The following CSMD1 variants were observed in gnomAD, a reference collection of about 807,000 sequenced individuals.
CSMD1 encodes the protein CUB and sushi domain-containing protein 1.
A neutral mutation model predicts 417.5 loss-of-function variants in CSMD1; 213 were observed. The observed-to-expected ratio is 0.51, with a 90% CI of 0.46 to 0.57. The LOEUF (loss-of-function observed/expected upper bound fraction) is 0.57. Among genes scored for constraint, CSMD1 ranks in the 20% least tolerant of loss-of-function variants. The probability of loss-of-function intolerance (pLI) is 0.00; values close to 1 mark genes in which losing one functional copy is unlikely to be tolerated. For synonymous variants in CSMD1, 2,862 were observed against 1,736.8 expected (o/e 1.65, Z -16.11); for missense variants, 6,923 against 4,529.7 (o/e 1.53, Z -15.17).
intron 1 of CSMD1, among the ~76,000 whole-genome samples, chr8:4,780,951 G>T (rs1323871151): frequency 6.6e-6 from 1 of 152,132 alleles, no homozygotes; most frequent in African/African-American, 2.4e-5. Flanking sequence ...TAAGGCTCAA[G>T]CAATGACCTG....
intron 21 of CSMD1, among the ~76,000 whole-genome samples, chr8:3,351,351 C>G (rs1448626461): frequency 6.6e-6 from 1 of 151,980 alleles, no homozygotes; most frequent in East Asian, 1.9e-4. Context: ...TGACCCATGC[C>G]TGTAATCCCA....
At chr8:3,513,102 G>T (rs897679790) in intron 10 of CSMD1, among the ~76,000 whole-genome samples, 1 of 151,360 alleles carries the variant, frequency 6.6e-6, no homozygotes, top group African/African-American at 2.4e-5. Flanking sequence ...CCTCCTTGGG[G>T]TGAATGCATT....
chr8:3,852,732 G>A (rs372947377), intron 5 of CSMD1, among the ~76,000 whole-genome samples: 3 of 152,022 alleles, frequency 2.0e-5, no homozygotes, highest in Admixed American at 6.5e-5. Context: ...TGGAGGGTCA[G>A]GTAAGCGTCT....
chr8:4,319,466 C>T (rs960935261), intron 3 of CSMD1, among the ~76,000 whole-genome samples: 9 of 152,062 alleles, frequency 5.9e-5, no homozygotes, highest in African/African-American at 1.9e-4. Context: ...GCTACTCCTT[C>T]TTAAGGCTTT....
intron 5 of CSMD1, among the ~76,000 whole-genome samples, chr8:3,890,655 C>G (rs1472848966): frequency 6.6e-6 from 1 of 151,988 alleles, no homozygotes; most frequent in Non-Finnish European, 1.5e-5. Context: ...TTCTAGTCCC[C>G]AAATTTAATA....
At chr8:3,384,161 T>A (rs551155472) in intron 18 of CSMD1, among the ~76,000 whole-genome samples, 14 of 152,292 alleles carry the variant, frequency 9.2e-5, no homozygotes, top group Non-Finnish European at 1.6e-4. Flanking sequence ...TGCATTGAGC[T>A]ACACACTTAT....
At chr8:4,421,705 G>A (rs910789801) in intron 2 of CSMD1, among the ~76,000 whole-genome samples, 1 of 151,874 alleles carries the variant, frequency 6.6e-6, no homozygotes, top group South Asian at 2.1e-4. Flanking sequence ...AAGGTAATTA[G>A]TCGCACTAAA....
chr8:4,310,878 G>T (rs1338564864), intron 3 of CSMD1, among the ~76,000 whole-genome samples: 1 of 152,124 alleles, frequency 6.6e-6, no homozygotes, highest in Non-Finnish European at 1.5e-5. Flanking sequence ...AAACTTACAT[G>T]TGGCCAACAA....
At chr8:4,969,572 A>T (rs531153337) in intron 1 of CSMD1, among the ~76,000 whole-genome samples, 3 of 151,874 alleles carry the variant, frequency 2.0e-5, no homozygotes, top group South Asian at 2.1e-4. Flanking sequence ...ACAACAGCTC[A>T]GTTCTATTTT....
chr8:3,766,499 C>A (rs1053740451), intron 5 of CSMD1, among the ~76,000 whole-genome samples: 2 of 152,076 alleles, frequency 1.3e-5, no homozygotes, highest in African/African-American at 4.8e-5. Flanking sequence ...CAGGGAGACA[C>A]CCTTTGCCTC....
At chr8:4,227,911 C>G (rs1389908785) in intron 3 of CSMD1, among the ~76,000 whole-genome samples, 1 of 151,160 alleles carries the variant, frequency 6.6e-6, no homozygotes, top group Non-Finnish European at 1.5e-5. Context: ...ACCCTCCACC[C>G]CACATTAAAT....
chr8:3,853,758 T>A (rs1003473877), intron 5 of CSMD1, among the ~76,000 whole-genome samples: 2 of 151,548 alleles, frequency 1.3e-5, no homozygotes, highest in African/African-American at 4.9e-5. Context: ...TTAGGAGATA[T>A]ACCTAATGCT....
At chr8:4,710,387 A>T (rs1385536934) in intron 1 of CSMD1, among the ~76,000 whole-genome samples, 1 of 148,330 alleles carries the variant, frequency 6.7e-6, no homozygotes, top group Non-Finnish European at 1.5e-5. Context: ...AGTAAATAAA[A>T]ATATATTATT....
chr8:4,036,664 C>T (rs973189974), intron 3 of CSMD1, among the ~76,000 whole-genome samples: 4 of 152,122 alleles, frequency 2.6e-5, no homozygotes, highest in Admixed American at 6.5e-5. Context: ...GAGAGCATGC[C>T]TGTTCTTTTC....
At chr8:4,668,536 G>A (rs893485373) in intron 1 of CSMD1, among the ~76,000 whole-genome samples, 5 of 150,664 alleles carry the variant, frequency 3.3e-5, no homozygotes, top group Non-Finnish European at 4.4e-5. Flanking sequence ...TGCAAGCTCC[G>A]CCTCCCTGGT....
intron 8 of CSMD1, among the ~76,000 whole-genome samples, chr8:3,603,398 G>A (rs938758341): frequency 6.6e-6 from 1 of 152,094 alleles, no homozygotes; most frequent in Admixed American, 6.5e-5. Context: ...AATACAGCAC[G>A]TCAGGAAAGG....
chr8:4,038,913 ACACTTAATTTGGCAAGTACATATGGT>A (rs1380783743), intron 3 of CSMD1, among the ~76,000 whole-genome samples: 5 of 152,160 alleles, frequency 3.3e-5, no homozygotes, highest in Admixed American at 1.3e-4. Context: ...TCCCTCCGTA[ACACTTAATTTGGCAAGTACATATGGT>A]CACAATTCAG....
At chr8:3,219,763 A>T (rs1798094559) in intron 28 of CSMD1, among the ~76,000 whole-genome samples, 1 of 152,176 alleles carries the variant, frequency 6.6e-6, no homozygotes, top group African/African-American at 2.4e-5. Flanking sequence ...TTGCTAAATG[A>T]GATGTAATTT....
intron 27 of CSMD1, among the ~76,000 whole-genome samples, chr8:3,225,955 A>G (rs1798476792): frequency 6.6e-6 from 1 of 152,196 alleles, no homozygotes. Context: ...ATTCTTTTCG[A>G]CCCACCAACC....
Sources: gnomAD v4.1 joint callset for allele counts (sites outside exome capture counted in the v4.1 genomes callset) on GRCh38, gnomAD v4.1.1 for gene constraint, MANE v1.5 for transcripts, NCBI Gene and HGNC (gene_info 2026-07-23, HGNC 2026-07-21) for gene names.